NLRC5: variants seen among roughly 807,000 people sequenced by gnomAD.
The protein encoded by NLRC5 is NLR family CARD domain containing 5, also known as protein NLRC5.
NLRC5 carries 114 observed loss-of-function variants against 206.9 expected under a neutral mutation model. That is an observed-to-expected ratio of 0.55 (90% CI 0.47 to 0.64). The LOEUF (loss-of-function observed/expected upper bound fraction) is 0.64. NLRC5 is among the 30% of genes least tolerant of loss of function. The pLI, the probability that NLRC5 is intolerant of heterozygous loss-of-function variation, is 0.00. For missense variants in NLRC5, 2,008 were observed against 2,305.5 expected (o/e 0.87, Z 2.64); for synonymous variants, 952 against 962.8 (o/e 0.99, Z 0.21).
chr16:57,036,068 C>T (rs2062529187), intron 13 of NLRC5, 32 bp from the exon 14 acceptor site: 5 of 1,590,138 alleles, frequency 3.1e-6, no homozygotes, highest in Non-Finnish European at 3.4e-6. Context: ...ACTCCAGCCC[C>T]ACAATACAGT....
intron 3 of NLRC5, 178 bp downstream of exon 3, chr16:57,021,185 G>T (rs865865861): frequency 1.9e-4 from 115 of 595,650 alleles, no homozygotes; most frequent in Non-Finnish European, 3.1e-4. Flanking sequence ...ATCTGCTGGG[G>T]CCTGGAGGAC....
At chr16:57,051,760 T>C (rs2064945230) in intron 24 of NLRC5, 139 bp downstream of exon 24, 1 of 615,290 alleles carries the variant, frequency 1.6e-6, no homozygotes, top group Admixed American at 2.9e-5. Flanking sequence ...CGCTCCATTC[T>C]TTCCTTAGGT....
Position 57,067,811 on chromosome 16 carries a change from T to C in NLRC5, c.4482T>C (p.Ser1494=). 10 of 1,614,106 alleles carry C rather than the reference T, an allele frequency of 6.2e-6. No individual in the cohort carries two copies. The highest frequency in any genetic ancestry group is 7.6e-6 in the Non-Finnish European group (9 of 1,179,930). Residue 1494 remains serine, a synonymous_variant, in exon 36 of 49, where the codon TCT becomes TCC. Coordinates refer to ENST00000688547, the MANE Select transcript of NLRC5 (RefSeq NM_001384950.1). The part of the protein sequence containing the change: ...LLLQSLLLSL[S]ELKTFRLTSS... ...TGCAGAGCCTCCTGCTGTCCCTCTC[T>C]GAGCTGAAGACATTTCGGTATGTAG...
Position 57,025,397 on chromosome 16 carries a change from C to A in NLRC5, c.454C>A (p.Arg152=). 3 of 1,548,482 alleles carry A rather than the reference C, an allele frequency of 1.9e-6. No homozygotes were observed. Among genetic ancestry groups the A allele is most frequent in the South Asian group, 1.2e-5 (1 of 80,310 alleles). The change falls in exon 6 of 49, where the codon CGG becomes AGG. Residue 152 remains arginine (R), a synonymous_variant. Coordinates refer to ENST00000688547, the MANE Select transcript of NLRC5 (RefSeq NM_001384950.1). ...GGCCAAGAAGTACCTGCAGCTCCTG[C>A]GGACCTCTGCCCAGCAGCGCTACAG... ...ELAKKYLQLL[R]TSAQQRYRSQ... is the part of the protein sequence containing the mutation.
chr16:57,078,054 G>T, intron 43 of NLRC5, 34 bp downstream of exon 43: 1 of 1,528,916 alleles, frequency 6.5e-7, no homozygotes, highest in African/African-American at 1.4e-5. Flanking sequence ...ATGCAGGGCT[G>T]GTGGGGAGGA....
At chr16:57,050,195 T>C (rs757468120) in intron 23 of NLRC5, among the ~76,000 whole-genome samples, 1 of 151,862 alleles carries the variant, frequency 6.6e-6, no homozygotes, top group Non-Finnish European at 1.5e-5. Context: ...CCATACGGGA[T>C]GTGTTTCTGG....
In NLRC5 at chr16:57,043,675, C is replaced by T. The variant is rs150620735; in HGVS notation, c.3203+71C>T. 2,465 of 1,235,930 alleles carry T rather than the reference C, an allele frequency of 2.0e-3. 12 individuals are homozygous for T. The highest frequency in any genetic ancestry group is 0.013 in the African/African-American group (868 of 67,706). The allele number at this position is 1,235,930 out of a possible 1,614,324, so 76.6% of individuals were successfully genotyped here. ...CACAGGTCATCTGCTCCCACGTGGGCCCCTTGTCCACCAGTTTCATGCCAA... is the reference window on the plus strand; with the variant it reads ...CACAGGTCATCTGCTCCCACGTGGGTCCCTTGTCCACCAGTTTCATGCCAA... On this transcript the variant is annotated intron_variant, in intron 20 of 48. Coordinates refer to ENST00000688547, the MANE Select transcript of NLRC5 (RefSeq NM_001384950.1).
At chr16:57,015,765 T>C (rs2059997016) in intron 1 of NLRC5, among the ~76,000 whole-genome samples, 2 of 151,258 alleles carry the variant, frequency 1.3e-5, no homozygotes, top group Non-Finnish European at 2.9e-5. Context: ...CCTTCTCTAC[T>C]AAAAATACAA....
chr16:57,010,643 G>A (rs1398297996), intron 1 of NLRC5, among the ~76,000 whole-genome samples: 1 of 152,188 alleles, frequency 6.6e-6, no homozygotes, highest in East Asian at 1.9e-4. Flanking sequence ...AAAGTGTTGG[G>A]ATTACAGGCG....
At chr16:57,065,092 A>G in intron 32 of NLRC5, 120 bp from the exon 33 acceptor site, 1 of 498,950 alleles carries the variant, frequency 2.0e-6, no homozygotes, top group Non-Finnish European at 3.2e-6. Flanking sequence ...AAAATGAGCA[A>G]AAAAAACTCA....
rs199476001 is a variant in NLRC5 at position 57,059,081 on chromosome 16, C to T, written c.3920+20C>T. 622 of 1,613,596 alleles carry T rather than the reference C, an allele frequency of 3.9e-4. 4 individuals carry two copies. In the African/African-American group the frequency reaches 6.1e-3, roughly 16 times the overall value. On this transcript the variant is annotated intron_variant, in intron 29 of 48. Coordinates refer to ENST00000688547, the MANE Select transcript of NLRC5 (RefSeq NM_001384950.1). ...AGTGAAGTAAGGGGATGTTGGTCCC[C>T]GAAAAGCCCCTTTCTGCTGGCCAAC... is the stretch of plus-strand genomic sequence containing the variant.
At chr16:57,059,273 C>A (rs2066092615) in intron 29 of NLRC5, 194 bp from the exon 30 acceptor site, 2 of 1,464,226 alleles carry the variant, frequency 1.4e-6, no homozygotes, top group Non-Finnish European at 1.8e-6. Flanking sequence ...CCATGGAGGC[C>A]ATGGGGTGGG....
chr16:57,036,142 G>A lies in NLRC5; in HGVS notation c.2670G>A (p.Met890Ile), dbSNP rs2062542713. The change falls in exon 14 of 49, where the codon ATG (methionine) becomes ATA (isoleucine). Residue 890 changes from methionine (M) to isoleucine (I), a missense_variant. By Grantham distance (10) the Met-to-Ile change is conservative. Coordinates refer to ENST00000688547, the MANE Select transcript of NLRC5 (RefSeq NM_001384950.1). ...TGGAAGATGAAGGCTGTCGGCTGAT[G>A]GCAGAGGCTGCATCCCAGCTGCACA... ...NQLEDEGCRL[M>I]AEAASQLHIA... The A allele has an allele frequency of 6.2e-7, 1 of 1,613,606 alleles. No homozygotes were observed. The highest frequency in any genetic ancestry group is 8.5e-7 in the Non-Finnish European group (1 of 1,179,998).
Position 57,049,504 on chromosome 16 carries a change from G to A in NLRC5, c.3422+1876G>A, listed in dbSNP as rs577981914. ...TATAATCCCAGCACTTTGGGAGGCC[G>A]AGGTGGCTGGATCATGAGGTCAGGA... On this transcript the variant is annotated intron_variant, in intron 23 of 48. Transcript: ENST00000688547. Among the ~76,000 whole-genome samples, 12 of 151,922 alleles carry A rather than the reference G, an allele frequency of 7.9e-5. No individual in the cohort carries two copies. The South Asian group carries it at 1.9e-3, about 24-fold the overall frequency.
chr16:57,056,361 G>C (rs187727100), intron 27 of NLRC5, among the ~76,000 whole-genome samples: 1 of 152,066 alleles, frequency 6.6e-6, no homozygotes. Context: ...TGCAATGATA[G>C]GTCACTGCAG....
rs2056524395 is a variant in NLRC5 at position 56,989,567 on chromosome 16, A to T, written c.-178A>T. ...GCGGCTTCTACTTTCAGTTTCGTGC[A>T]GAGCGCGGAGGAGCCGCGAGCGCTG... On this transcript the variant is annotated 5_prime_UTR_variant, in exon 1 of 49. Coordinates refer to ENST00000688547, the MANE Select transcript of NLRC5 (RefSeq NM_001384950.1). The T allele has an allele frequency of 6.6e-6, 1 of 152,452 alleles. No homozygotes were observed. Among genetic ancestry groups the T allele is most frequent in the South Asian group, 2.1e-4 (1 of 4,842 alleles). 9.4% of individuals were successfully genotyped at this position (152,452 alleles called of 1,614,324 possible). A position where few individuals can be genotyped will look rare whatever the true frequency, so the allele number is the denominator to read the frequency against.
intron 3 of NLRC5, 142 bp downstream of exon 3, chr16:57,021,149 C>T: frequency 1.3e-6 from 1 of 742,134 alleles, no homozygotes; most frequent in Non-Finnish European, 2.1e-6. Context: ...GGACACTTCC[C>T]AGAACAAATT....
rs774504207 is a variant in NLRC5, at chr16:57,043,643, C to G, written c.3203+39C>G. 1.5e-5 allele frequency: 23 copies of G among 1,531,190 alleles called. No homozygotes were observed. In the Admixed American group the frequency reaches 3.7e-4, roughly 24 times the overall value. 94.9% of individuals were successfully genotyped at this position (1,531,190 alleles called of 1,614,324 possible). A position where few individuals can be genotyped will look rare whatever the true frequency, so the allele number is the denominator to read the frequency against. ...TCCGCCCCCAGCCCTGCCCCTGTCC[C>G]CCATCCCACAGGTCATCTGCTCCCA... On this transcript the variant is annotated intron_variant, in intron 20 of 48. Transcript: ENST00000688547.
chr16:57,069,886 G>A lies in NLRC5; in HGVS notation c.4550G>A (p.Gly1517Asp), dbSNP rs752152469. 1.1e-5 allele frequency: 18 copies of A among 1,593,518 alleles called. No homozygotes were observed. The highest frequency in any genetic ancestry group is 1.4e-5 in the Non-Finnish European group (16 of 1,170,678). Residue 1517 changes from glycine to aspartate, a missense_variant, in exon 37 of 49, where the codon GGT becomes GAT. Coordinates refer to ENST00000688547, the MANE Select transcript of NLRC5 (RefSeq NM_001384950.1). Reference protein sequence around the residue: ...STEGLAHLASGLGHCHHLEEL... With the variant: ...STEGLAHLASDLGHCHHLEEL... ...GAGGGCCTCGCCCACCTGGCATCTGGTCTGGGCCACTGCCACCACTTGGAG... is the reference window on the plus strand; with the variant it reads ...GAGGGCCTCGCCCACCTGGCATCTGATCTGGGCCACTGCCACCACTTGGAG...
Sources: gnomAD v4.1 joint callset for allele counts (sites outside exome capture counted in the v4.1 genomes callset) on GRCh38, gnomAD v4.1.1 for gene constraint, MANE v1.5 for transcripts, NCBI Gene and HGNC (gene_info 2026-07-23, HGNC 2026-07-21) for gene names.